The following ST3GAL1 variants were observed in gnomAD, a reference collection of about 807,000 sequenced individuals.
The protein encoded by ST3GAL1 is ST3 beta-galactoside alpha-2,3-sialyltransferase 1.
Under a neutral mutation model 34.1 loss-of-function variants are expected in ST3GAL1, and 16 were observed. The observed-to-expected ratio is 0.47, with a 90% confidence interval of 0.32 to 0.71. ST3GAL1 has a LOEUF of 0.71. ST3GAL1 is among the 30% of genes least tolerant of loss of function. The pLI is 0.04. For synonymous variants in ST3GAL1, 191 were observed against 184.7 expected, an observed-to-expected ratio of 1.03 and a Z score of -0.28; for missense variants, 353 against 447.4, an observed-to-expected ratio of 0.79 and a Z score of 1.90.
At chr8:133,564,553 C>CACACACACACACAG (rs1232550194) in intron 1 of ST3GAL1, among the ~76,000 whole-genome samples, 11 of 151,606 alleles carry the variant, frequency 7.3e-5, no homozygotes, top group African/African-American at 2.4e-4. Context: ...CACACACACA[C>CACACACACACACAG]AGAGTCAGAA....
At position 133,467,944 on chromosome 8, in the gene ST3GAL1, C is replaced by T. The variant is rs1815804062; in HGVS notation, c.307-1854G>A. Among the ~76,000 whole-genome samples the T allele has an allele frequency of 6.6e-6, 1 of 152,168 alleles. No individual in the cohort carries two copies. Among genetic ancestry groups the T allele is most frequent in the African/African-American group, 2.4e-5 (1 of 41,434 alleles). On this transcript the variant is annotated intron_variant, in intron 5 of 9. Coordinates refer to ENST00000522652, the MANE Select transcript of ST3GAL1 (RefSeq NM_173344.3). This position sits in a 1 kb window ranked among gnomAD's most constrained non-coding sequence, Gnocchi z 4.2. Reference sequence around the variant, plus strand: ...GGACCACACTTCACACCCACTGCTACAGTTATCATAAGTAAAAGGGCAAAA... The same window carrying T: ...GGACCACACTTCACACCCACTGCTATAGTTATCATAAGTAAAAGGGCAAAA...
At chr8:133,551,618 G>GCA (rs1554619972) in intron 1 of ST3GAL1, among the ~76,000 whole-genome samples, 11 of 144,280 alleles carry the variant, frequency 7.6e-5, no homozygotes, top group African/African-American at 2.8e-4. Context: ...AAGAAAGAAA[G>GCA]AGCGAGCAAG....
chr8:133,468,981 C>T (rs969813173), intron 5 of ST3GAL1, among the ~76,000 whole-genome samples: 1 of 152,148 alleles, frequency 6.6e-6, no homozygotes, highest in Non-Finnish European at 1.5e-5. Context: ...GGTGGCCTTC[C>T]ATCACGCCGC....
At chr8:133,542,200 G>C (rs1374070852) in intron 2 of ST3GAL1, among the ~76,000 whole-genome samples, 3 of 152,186 alleles carry the variant, frequency 2.0e-5, no homozygotes, top group Non-Finnish European at 4.4e-5. Context: ...AGCACACCTA[G>C]TGGCCAGATC....
chr8:133,491,818 C>A (rs894645732), intron 3 of ST3GAL1, among the ~76,000 whole-genome samples: 5 of 152,110 alleles, frequency 3.3e-5, no homozygotes, highest in Admixed American at 3.3e-4. Context: ...GGAGGGGTGT[C>A]ACGGTGTCCA....
intron 1 of ST3GAL1, among the ~76,000 whole-genome samples, chr8:133,564,052 C>G (rs1193213653): frequency 1.3e-5 from 2 of 152,220 alleles, no homozygotes; most frequent in African/African-American, 4.8e-5. Flanking sequence ...GCTGCATCTC[C>G]TTTGCTGTGT....
chr8:133,559,565 C>G (rs916914021), intron 1 of ST3GAL1, among the ~76,000 whole-genome samples: 4 of 152,166 alleles, frequency 2.6e-5, no homozygotes, highest in African/African-American at 9.7e-5. Context: ...AAAGACATTC[C>G]TATTCGTGGC....
intron 3 of ST3GAL1, among the ~76,000 whole-genome samples, chr8:133,498,231 G>A (rs886450633): frequency 6.6e-6 from 1 of 152,246 alleles, no homozygotes; most frequent in Non-Finnish European, 1.5e-5. Context: ...CTGTGTGCCT[G>A]CTGGGAGCAG....
intron 1 of ST3GAL1, among the ~76,000 whole-genome samples, chr8:133,564,294 T>C (rs1170013401): frequency 6.6e-6 from 1 of 152,220 alleles, no homozygotes; most frequent in Non-Finnish European, 1.5e-5. Context: ...CAGTTATTTT[T>C]CTAGTGTTCT....
intron 3 of ST3GAL1, among the ~76,000 whole-genome samples, chr8:133,496,183 A>C (rs151295153): frequency 4.7e-4 from 72 of 152,354 alleles, no homozygotes; most frequent in African/African-American, 1.7e-3. Context: ...GCCAGAAATC[A>C]GATAAAATTG....
At chr8:133,504,098 C>T (rs1392004720) in intron 2 of ST3GAL1, among the ~76,000 whole-genome samples, 1 of 152,132 alleles carries the variant, frequency 6.6e-6, no homozygotes, top group Non-Finnish European at 1.5e-5. Context: ...CACTGAAGCC[C>T]AGCATGGAAG....
intron 2 of ST3GAL1, among the ~76,000 whole-genome samples, chr8:133,529,370 C>G (rs1212244415): frequency 6.6e-6 from 1 of 152,184 alleles, no homozygotes; most frequent in African/African-American, 2.4e-5. Context: ...GTCGAAGGTG[C>G]TGCTACCGAG....
rs1376534975 is a variant in ST3GAL1, at chr8:133,571,342, C to A, written c.-582+351G>T. Among the ~76,000 whole-genome samples the A allele has an allele frequency of 6.6e-6, 1 of 152,180 alleles. No homozygotes were observed. The highest frequency in any genetic ancestry group is 1.5e-5 in the Non-Finnish European group (1 of 68,022). On this transcript the variant is annotated intron_variant, in intron 1 of 9. Coordinates refer to ENST00000522652, the MANE Select transcript of ST3GAL1 (RefSeq NM_173344.3). This position sits in a 1 kb window ranked among gnomAD's most constrained non-coding sequence, Gnocchi z 6.7. ...CTGGGGCTGCTTTCGGGAACCGCTG[C>A]CCGGGACTTGGCGTAGGTTCCCCAC...
rs550029018 is a variant in ST3GAL1, at chr8:133,519,994, G to A, written c.-428-20805C>T. ...CAAAAAGAACCCAGTAAAGGAATGC[G>A]GGCAAGGATTCTTACTTACAAGCAT... On this transcript the variant is annotated intron_variant, in intron 2 of 9. Coordinates refer to ENST00000522652, the MANE Select transcript of ST3GAL1 (RefSeq NM_173344.3). Among the ~76,000 whole-genome samples, 4 of 152,202 alleles carry A rather than the reference G, an allele frequency of 2.6e-5. No homozygotes were observed. In the East Asian group the frequency reaches 5.8e-4, roughly 22 times the overall value.
At chr8:133,476,120 C>G in intron 4 of ST3GAL1, 46 bp from the exon 5 acceptor site, 2 of 1,360,430 alleles carry the variant, frequency 1.5e-6, no homozygotes, top group African/African-American at 1.5e-5. Flanking sequence ...GGTGGAGGCT[C>G]AATCAAAAGG....
rs1819563300 is a variant in ST3GAL1, at chr8:133,571,367, C to G, written c.-582+326G>C. On this transcript the variant is annotated intron_variant, in intron 1 of 9. Transcript: ENST00000522652. The surrounding 1 kb of genome is among the most constrained non-coding windows in gnomAD (Gnocchi z 6.7). ...CCCGGGACTTGGCGTAGGTTCCCCA[C>G]AGAGCTCCAGGCAGCTCCTCCAGTG... 6.6e-6 allele frequency among the ~76,000 whole-genome samples: 1 copy of G among 152,176 alleles called. No individual in the cohort carries two copies.
intron 8 of ST3GAL1, among the ~76,000 whole-genome samples, chr8:133,462,437 C>T (rs1232998071): frequency 6.6e-6 from 1 of 152,160 alleles, no homozygotes; most frequent in Non-Finnish European, 1.5e-5. Context: ...CCTCATGTCC[C>T]AGGTTTCCCT....
intron 1 of ST3GAL1, among the ~76,000 whole-genome samples, chr8:133,565,292 C>T (rs1749199953): frequency 6.6e-6 from 1 of 152,052 alleles, no homozygotes. Context: ...GGGCTCAGCT[C>T]TTGGTGCCAC....
chr8:133,504,164 C>A (rs1817265147), intron 2 of ST3GAL1, among the ~76,000 whole-genome samples: 1 of 152,188 alleles, frequency 6.6e-6, no homozygotes, highest in African/African-American at 2.4e-5. Flanking sequence ...TCCAGTCCTG[C>A]ATCATAGATG....
Sources: allele counts gnomAD v4.1 joint callset (sites outside exome capture counted in the v4.1 genomes callset), GRCh38; gene constraint gnomAD v4.1.1; non-coding constraint Gnocchi (gnomAD v3.1); transcripts MANE v1.5; gene names NCBI Gene and HGNC (gene_info 2026-07-23, HGNC 2026-07-21).